KCNQ2: variants seen among roughly 807,000 people sequenced by gnomAD.
The protein encoded by KCNQ2 is potassium voltage-gated channel subfamily Q member 2, also known as potassium voltage-gated channel subfamily KQT member 2.
In KCNQ2, 14 loss-of-function variants were observed where a neutral mutation model predicts 84.8. That is an observed-to-expected ratio of 0.17 (90% CI 0.11 to 0.26). The LOEUF is 0.26. Ranked by LOEUF, KCNQ2 falls within the 10% of genes least tolerant of loss-of-function variation. The pLI is 1.00. For missense variants in KCNQ2, 788 were observed against 1,254.0 expected (o/e 0.63, Z 5.61); for synonymous variants, 599 against 554.1 (o/e 1.08, Z -1.14).
intron 1 of KCNQ2, among the ~76,000 whole-genome samples, chr20:63,467,471 G>A (rs1251474202): frequency 6.6e-6 from 1 of 152,022 alleles, no homozygotes; most frequent in Non-Finnish European, 1.5e-5. Flanking sequence ...CTCCTCTACG[G>A]CTGTGGAATG....
Position 63,472,458 on chromosome 20 carries a change from C to A in KCNQ2, c.6G>T (p.Val2=). 1.3e-6 allele frequency: 2 copies of A among 1,511,590 alleles called. No individual in the cohort carries two copies. Among genetic ancestry groups the A allele is most frequent in the Non-Finnish European group, 1.8e-6 (2 of 1,136,934 alleles). 93.6% of individuals were successfully genotyped at this position (1,511,590 alleles called of 1,614,324 possible). A position where few individuals can be genotyped will look rare whatever the true frequency, so the allele number is the denominator to read the frequency against. The part of the protein sequence containing the change: M[V]QKSRNGGVYP... Reference sequence around the variant, plus strand: ...ATACGCCGCCGTTGCGCGACTTCTGCACCATGGTGCCTGGCGGGAGGCGCC... The same window carrying A: ...ATACGCCGCCGTTGCGCGACTTCTGAACCATGGTGCCTGGCGGGAGGCGCC... The change falls in exon 1 of 17, where the codon GTG becomes GTT. Residue 2 remains valine (V), a synonymous_variant. Transcript: ENST00000359125.
chr20:63,401,983 C>A lies in KCNQ2; in HGVS notation c.*4661G>T, dbSNP rs116317055. 3,223 of 174,446 alleles carry A rather than the reference C, an allele frequency of 0.018. 133 individuals are homozygous for A. Among genetic ancestry groups the A allele is most frequent in the South Asian group, 0.1 (1,182 of 11,320 alleles). The allele number at this position is 174,446 out of a possible 1,614,324, so 10.8% of individuals were successfully genotyped here. ...CACGGCAGGTCCAAGCCTCATGAGCCATCTCTCTCCCACCACATCTGCCGG... is the reference window on the plus strand; with the variant it reads ...CACGGCAGGTCCAAGCCTCATGAGCAATCTCTCTCCCACCACATCTGCCGG... On this transcript the variant is annotated 3_prime_UTR_variant, in exon 17 of 17. Coordinates refer to ENST00000359125, the MANE Select transcript of KCNQ2 (RefSeq NM_172107.4).
Position 63,439,631 on chromosome 20 carries a change from G to C in KCNQ2, c.894C>G (p.Thr298=). The part of the protein sequence containing the change: ...WNGRLLAATF[T]LIGVSFFALP... The stretch of plus-strand genomic sequence containing the variant: ...GCGCGAAGAAGGAGACACCGATGAG[G>C]GTGAAGGTTGCCGCAAGGAGCCTGC... Residue 298 remains threonine (T), a synonymous_variant, in exon 6 of 17, where the codon ACC becomes ACG. Transcript: ENST00000359125. 1 of 1,613,668 alleles carries C rather than the reference G, an allele frequency of 6.2e-7. No homozygotes were observed. Among genetic ancestry groups the C allele is most frequent in the African/African-American group, 1.3e-5 (1 of 75,076 alleles).
At chr20:63,409,068 G>C (rs1298244284) in intron 15 of KCNQ2, among the ~76,000 whole-genome samples, 1 of 152,238 alleles carries the variant, frequency 6.6e-6, no homozygotes, top group East Asian at 1.9e-4. Flanking sequence ...AATGTCTGCG[G>C]CGGGGACAAC....
Position 63,408,553 on chromosome 20 carries a change from C to A in KCNQ2, c.1764-17G>T. The A allele has an allele frequency of 1.2e-6, 2 of 1,610,142 alleles. No individual in the cohort carries two copies. The highest frequency in any genetic ancestry group is 1.7e-6 in the Non-Finnish European group (2 of 1,179,090). ...TGGTCCACTCTACCGGGAACAGAGA[C>A]CCCAAAGCATGAGTTCGGGTGGGTG... is the stretch of plus-strand genomic sequence containing the variant. On this transcript the variant is annotated splice_polypyrimidine_tract_variant and intron_variant, in intron 15 of 16. Transcript: ENST00000359125. The surrounding 1 kb of genome is among the most constrained non-coding windows in gnomAD (Gnocchi z 5.0).
intron 1 of KCNQ2, among the ~76,000 whole-genome samples, chr20:63,457,366 C>T (rs1365429552): frequency 6.6e-6 from 1 of 152,258 alleles, no homozygotes; most frequent in African/African-American, 2.4e-5. Context: ...TGGGACCGAG[C>T]CTCCCAAACA....
intron 5 of KCNQ2, among the ~76,000 whole-genome samples, chr20:63,440,730 G>C (rs996989122): frequency 1.3e-5 from 2 of 152,130 alleles, no homozygotes; most frequent in African/African-American, 2.4e-5. Context: ...GGCCGGCTGG[G>C]CCGCACCTGC....
chr20:63,456,706 C>T (rs112291220), intron 1 of KCNQ2, among the ~76,000 whole-genome samples: 4 of 152,286 alleles, frequency 2.6e-5, no homozygotes, highest in Admixed American at 6.5e-5. Flanking sequence ...ACAGAGGCTC[C>T]GGAGACTCTC....
chr20:63,455,632 G>A (rs1268661970), intron 1 of KCNQ2, among the ~76,000 whole-genome samples: 1 of 152,188 alleles, frequency 6.6e-6, no homozygotes, highest in Non-Finnish European at 1.5e-5. Context: ...GGGTCACCAG[G>A]CCAGAGGGGT....
Position 63,472,254 on chromosome 20 carries a change from G to A in KCNQ2, c.210C>T (p.Arg70=), listed in dbSNP as rs764751911. 2 of 1,538,960 alleles carry A rather than the reference G, an allele frequency of 1.3e-6. No homozygotes were observed. The highest frequency in any genetic ancestry group is 1.4e-5 in the African/African-American group (1 of 70,956). Reference sequence around the variant, plus strand: ...TCTGCAGCTTGCGGTAGAAGGCGTTGCGCTTGGGGGGCTTCCCGGCGCCCG... The same window carrying A: ...TCTGCAGCTTGCGGTAGAAGGCGTTACGCTTGGGGGGCTTCCCGGCGCCCG... ...GGAGAGKPPK[R]NAFYRKLQNF... The change falls in exon 1 of 17, where the codon CGC becomes CGT. Residue 70 remains arginine (R), a synonymous_variant. Coordinates refer to ENST00000359125, the MANE Select transcript of KCNQ2 (RefSeq NM_172107.4).
intron 5 of KCNQ2, among the ~76,000 whole-genome samples, chr20:63,441,736 CCGACTGGGAAGACAGTGTCCAGGTCT>C (rs2081167851): frequency 6.6e-6 from 1 of 152,188 alleles, no homozygotes; most frequent in Non-Finnish European, 1.5e-5. Context: ...CACCCAAGCC[CCGACTGGGAAGACAGTGTCCAGGTCT>C]CATGAAATTA....
At chr20:63,424,553 C>T in intron 10 of KCNQ2, 1 of 320,822 alleles carries the variant, frequency 3.1e-6, no homozygotes, top group Non-Finnish European at 5.7e-6. Flanking sequence ...CACGTGTTTG[C>T]TGAAGGAAGC....
At chr20:63,420,491 G>A (rs1018185472) in intron 11 of KCNQ2, among the ~76,000 whole-genome samples, 1 of 122,300 alleles carries the variant, frequency 8.2e-6, no homozygotes, top group Admixed American at 1.2e-4. Flanking sequence ...ACTGCTTCCT[G>A]AGACAGCACT....
chr20:63,464,205 CCT>C (rs1398663488), intron 1 of KCNQ2, among the ~76,000 whole-genome samples: 2 of 152,046 alleles, frequency 1.3e-5, no homozygotes, highest in African/African-American at 2.4e-5. Context: ...CCCAGCATCC[CCT>C]GTCTGGGGCC....
At chr20:63,415,669 C>T (rs969688730) in intron 12 of KCNQ2, among the ~76,000 whole-genome samples, 2 of 152,174 alleles carry the variant, frequency 1.3e-5, no homozygotes, top group Non-Finnish European at 2.9e-5. Context: ...TCACTTTCCG[C>T]TACCACCACG....
At position 63,438,258 on chromosome 20, in the gene KCNQ2, C is replaced by A. The variant is rs6089913; in HGVS notation, c.1023+367G>T. On this transcript the variant is annotated intron_variant, in intron 7 of 16. Coordinates refer to ENST00000359125, the MANE Select transcript of KCNQ2 (RefSeq NM_172107.4). The surrounding 1 kb of genome is among the most constrained non-coding windows in gnomAD (Gnocchi z 5.1). ...CCCACAGCCAGCATCAGGGGTCAGA[C>A]GAGGTCAGGCACTGACTCACTGCAG... 2 of 362,906 alleles carry A rather than the reference C, an allele frequency of 5.5e-6. No individual in the cohort carries two copies. Among genetic ancestry groups the A allele is most frequent in the African/African-American group, 4.1e-5 (2 of 48,306 alleles). 22.5% of individuals were successfully genotyped at this position (362,906 alleles called of 1,614,324 possible).
At chr20:63,442,627 C>A in intron 4 of KCNQ2, 96 bp from the exon 5 acceptor site, 1 of 1,299,702 alleles carries the variant, frequency 7.7e-7, no homozygotes, top group Non-Finnish European at 1.1e-6. Flanking sequence ...ACACCATGAC[C>A]ACCATCACCA....
At chr20:63,426,687 T>C (rs1445250726) in intron 10 of KCNQ2, among the ~76,000 whole-genome samples, 1 of 152,118 alleles carries the variant, frequency 6.6e-6, no homozygotes, top group Non-Finnish European at 1.5e-5. Flanking sequence ...TGCCCAACAG[T>C]AGCGCACAGC....
rs555812884 is a variant in KCNQ2, at chr20:63,438,610, G to T, written c.1023+15C>A. On this transcript the variant is annotated intron_variant, in intron 7 of 16. Coordinates refer to ENST00000359125, the MANE Select transcript of KCNQ2 (RefSeq NM_172107.4). This position sits in a 1 kb window ranked among gnomAD's most constrained non-coding sequence, Gnocchi z 5.1. The stretch of plus-strand genomic sequence containing the variant: ...ACAAGGGCTGTGCTGGTCCCCGGGG[G>T]ACACCTGGACTCACCTGGATCAGGC... The T allele has an allele frequency of 1.2e-6, 2 of 1,610,048 alleles. No individual in the cohort carries two copies. The highest frequency in any genetic ancestry group is 1.3e-5 in the African/African-American group (1 of 74,940).
Sources: allele counts gnomAD v4.1 joint callset (sites outside exome capture counted in the v4.1 genomes callset), GRCh38; gene constraint gnomAD v4.1.1; non-coding constraint Gnocchi (gnomAD v3.1); transcripts MANE v1.5; gene names NCBI Gene and HGNC (gene_info 2026-07-23, HGNC 2026-07-21).